P3H3: variants seen among roughly 807,000 people sequenced by gnomAD.
P3H3 encodes the protein prolyl 3-hydroxylase 3.
P3H3 carries 64 observed loss-of-function variants against 78.1 expected under a neutral mutation model. The ratio of observed to expected loss-of-function variants is 0.82; its 90% CI spans 0.67 to 1.01. The LOEUF (loss-of-function observed/expected upper bound fraction) is 1.01, where lower values mean the gene tolerates loss of function less well. P3H3 is among the 50% of genes least tolerant of loss of function. The pLI is 0.00. For synonymous variants in P3H3, 425 were observed against 416.7 expected, an observed-to-expected ratio of 1.02 and a Z score of -0.24; for missense variants, 975 against 982.2, an observed-to-expected ratio of 0.99 and a Z score of 0.10.
At chr12:6,833,043 C>T (rs1476931780) in intron 6 of P3H3, among the ~76,000 whole-genome samples, 4 of 151,862 alleles carry the variant, frequency 2.6e-5, no homozygotes, top group Admixed American at 1.3e-4. Context: ...GGCGTGGTGG[C>T]GGGCGCCTAT....
chr12:6,830,534 G>T lies in P3H3; in HGVS notation c.833G>T (p.Gly278Val). 6.4e-7 allele frequency: 1 copy of T among 1,571,914 alleles called. No individual in the cohort carries two copies. The highest frequency in any genetic ancestry group is 8.6e-7 in the Non-Finnish European group (1 of 1,159,200). Residue 278 changes from glycine to valine, a missense_variant, in exon 3 of 15, where the codon GGC becomes GTC. Physicochemically the swap from Gly to Val is moderately radical, Grantham distance 109 (BLOSUM62 -3). Transcript: ENST00000290510. The stretch of plus-strand genomic sequence containing the variant: ...GAGGATGGGGCTGCGAGCCAGGGGG[G>T]CCTCTATGAGGCCATTGCAGGTAAG... ...EEEDGAASQG[G>V]LYEAIAGHWI...
chr12:6,831,083 A>C lies in P3H3; in HGVS notation c.986-133A>C. 2 of 1,150,540 alleles carry C rather than the reference A, an allele frequency of 1.7e-6. No individual in the cohort carries two copies. The highest frequency in any genetic ancestry group is 2.6e-6 in the Non-Finnish European group (2 of 760,720). 71.3% of individuals were successfully genotyped at this position (1,150,540 alleles called of 1,614,324 possible). On this transcript the variant is annotated intron_variant, in intron 4 of 14. Transcript: ENST00000290510. The surrounding 1 kb of genome is among the most constrained non-coding windows in gnomAD (Gnocchi z 4.6). Reference sequence around the variant, plus strand: ...GAACCGGCAGCTGAACTTGTCTGCCAGTGGGAAGGGGGCTCTTGGAGTTAG... The same window carrying C: ...GAACCGGCAGCTGAACTTGTCTGCCCGTGGGAAGGGGGCTCTTGGAGTTAG...
At chr12:6,836,634 C>T (rs1001117334) in intron 9 of P3H3, among the ~76,000 whole-genome samples, 2 of 152,178 alleles carry the variant, frequency 1.3e-5, no homozygotes, top group Non-Finnish European at 2.9e-5. Context: ...CTTGGCTCAT[C>T]GGGGATTAAT....
intron 9 of P3H3, among the ~76,000 whole-genome samples, chr12:6,836,232 A>G (rs1182060230): frequency 1.4e-4 from 5 of 36,318 alleles, no homozygotes; most frequent in Non-Finnish European, 2.0e-4. Context: ...AAAAACAAAA[A>G]ATGAAAAAAA....
In P3H3 at chr12:6,829,831, T is replaced by A. The variant is rs1555121016; in HGVS notation, c.499-28T>A. The A allele has an allele frequency of 6.2e-7, 1 of 1,613,390 alleles. No homozygotes were observed. Among genetic ancestry groups the A allele is most frequent in the African/African-American group, 1.3e-5 (1 of 74,936 alleles). On this transcript the variant is annotated intron_variant, in intron 1 of 14. Transcript: ENST00000290510. The surrounding 1 kb of genome is among the most constrained non-coding windows in gnomAD (Gnocchi z 5.1). ...AGGTCTGCCCCCCGTCCCAGGGCTC[T>A]GATGCCCTCCTCCCTTCGCCTCCTC... is the stretch of plus-strand genomic sequence containing the variant.
rs371199960 is a variant in P3H3 at position 6,839,436 on chromosome 12, C to T, written c.2186C>T (p.Ala729Val). 1 of 1,551,600 alleles carries T rather than the reference C, an allele frequency of 6.4e-7. No homozygotes were observed. The highest frequency in any genetic ancestry group is 8.7e-7 in the Non-Finnish European group (1 of 1,147,000). ...AGGGTCCAAGACAAGACTGGAAGGG[C>T]ACCTCGGGTTCGGGAGGAGCTGTGA... ...HQRVQDKTGR[A>V]PRVREEL Residue 729 changes from alanine (A) to valine (V), a missense_variant, in exon 15 of 15, where the codon GCA becomes GTA. By Grantham distance (64) the Ala-to-Val change is moderately conservative (BLOSUM62 0). Coordinates refer to ENST00000290510, the MANE Select transcript of P3H3 (RefSeq NM_014262.5).
At chr12:6,835,257 T>A (rs1441877528) in intron 9 of P3H3, among the ~76,000 whole-genome samples, 1 of 152,142 alleles carries the variant, frequency 6.6e-6, no homozygotes. Flanking sequence ...GAGGATTAAA[T>A]GAGTTAGCAC....
intron 9 of P3H3, among the ~76,000 whole-genome samples, chr12:6,835,717 A>T (rs114577383): frequency 0.011 from 1,604 of 152,240 alleles, 36 homozygotes; most frequent in African/African-American, 0.036. Flanking sequence ...AGGCCGAGGG[A>T]CAGTGAGTGT....
chr12:6,839,748 G>T lies in P3H3; in HGVS notation c.*287G>T. 7.1e-6 allele frequency: 3 copies of T among 421,206 alleles called. No individual in the cohort carries two copies. Among genetic ancestry groups the T allele is most frequent in the Non-Finnish European group, 1.3e-5 (3 of 230,820 alleles). 26.1% of individuals were successfully genotyped at this position (421,206 alleles called of 1,614,324 possible). ...GCCTCCCTGAACAGAAATGGCAGGGGAGGAGGCTGATGCTTTAAATGAAGA... is the reference window on the plus strand; with the variant it reads ...GCCTCCCTGAACAGAAATGGCAGGGTAGGAGGCTGATGCTTTAAATGAAGA... On this transcript the variant is annotated 3_prime_UTR_variant, in exon 15 of 15. Transcript: ENST00000290510.
In P3H3 at chr12:6,831,288, A is replaced by G. The variant is rs1555121384; in HGVS notation, c.1058A>G (p.Lys353Arg). 6.2e-7 allele frequency: 1 copy of G among 1,613,936 alleles called. No individual in the cohort carries two copies. The highest frequency in any genetic ancestry group is 1.1e-5 in the South Asian group (1 of 91,074). Reference sequence around the variant, plus strand: ...TTCTACCCGGAGGATGAGGCTGCCAAGAGGGCTCTGAACCAGTACCAGGCC... The same window carrying G: ...TTCTACCCGGAGGATGAGGCTGCCAGGAGGGCTCTGAACCAGTACCAGGCC... ...LLFYPEDEAA[K>R]RALNQYQAQL... Residue 353 changes from lysine to arginine, a missense_variant, in exon 5 of 15, where the codon AAG becomes AGG. By Grantham distance (26) the Lys-to-Arg change is conservative. Coordinates refer to ENST00000290510, the MANE Select transcript of P3H3 (RefSeq NM_014262.5). The surrounding 1 kb of genome is among the most constrained non-coding windows in gnomAD (Gnocchi z 4.6).
At chr12:6,834,563 C>T (rs781997467) in intron 9 of P3H3, among the ~76,000 whole-genome samples, 1 of 152,142 alleles carries the variant, frequency 6.6e-6, no homozygotes, top group Non-Finnish European at 1.5e-5. Flanking sequence ...ATAGACTCTG[C>T]CCTTTGGGAG....
In P3H3 at chr12:6,834,007, G is replaced by A; in HGVS notation, c.1416G>A (p.Leu472=). 6.2e-7 allele frequency: 1 copy of A among 1,613,748 alleles called. No homozygotes were observed. Among genetic ancestry groups the A allele is most frequent in the South Asian group, 1.1e-5 (1 of 91,078 alleles). Residue 472 remains leucine, a synonymous_variant, in exon 9 of 15, where the codon CTG becomes CTA. Coordinates refer to ENST00000290510, the MANE Select transcript of P3H3 (RefSeq NM_014262.5). ...NGSERAVLDG[L]LTPAECGVLL... Reference sequence around the variant, plus strand: ...CGGAGCGGGCGGTGTTGGATGGGCTGCTCACCCCAGCCGAGTGTGGGGTGC... The same window carrying A: ...CGGAGCGGGCGGTGTTGGATGGGCTACTCACCCCAGCCGAGTGTGGGGTGC...
In P3H3 at chr12:6,829,382, C is replaced by T; in HGVS notation, c.498+444C>T. 4.4e-6 allele frequency: 1 copy of T among 225,824 alleles called. No individual in the cohort carries two copies. The highest frequency in any genetic ancestry group is 7.1e-5 in the South Asian group (1 of 14,106). 14.0% of individuals were successfully genotyped at this position (225,824 alleles called of 1,614,324 possible). On this transcript the variant is annotated intron_variant, in intron 1 of 14. Transcript: ENST00000290510. This position sits in a 1 kb window ranked among gnomAD's most constrained non-coding sequence, Gnocchi z 5.1. Reference sequence around the variant, plus strand: ...CAGACGGAGGCAAGGTTGGGGTCCTCCGAGGCCAGACCTCTGCGGGCGGGG... The same window carrying T: ...CAGACGGAGGCAAGGTTGGGGTCCTTCGAGGCCAGACCTCTGCGGGCGGGG...
chr12:6,830,755 G>T lies in P3H3; in HGVS notation c.970G>T (p.Glu324Ter). 6.2e-7 allele frequency: 1 copy of T among 1,614,012 alleles called. No individual in the cohort carries two copies. Among genetic ancestry groups the T allele is most frequent in the African/African-American group, 1.3e-5 (1 of 75,050 alleles). The change falls in exon 4 of 15, where the codon GAG (glutamate) becomes TAG (stop). Residue 324 changes from glutamate (E) to a stop codon, truncating the protein, a stop_gained. Coordinates refer to ENST00000290510, the MANE Select transcript of P3H3 (RefSeq NM_014262.5). LOFTEE classifies it high-confidence loss of function. The stretch of plus-strand genomic sequence containing the variant: ...TCCCAACCAGCTGAGGCGGCTACAT[G>T]AGGCCCATGCTCAGGGTCAGTTGGG... Reference protein sequence around the residue: ...FLPNQLRRLHEAHAQVGNLSQ... With the variant: ...FLPNQLRRLH
chr12:6,837,933 G>C (rs922147769), intron 12 of P3H3, 25 bp from the exon 13 acceptor site: 2 of 1,596,576 alleles, frequency 1.3e-6, no homozygotes, highest in African/African-American at 1.3e-5. Flanking sequence ...GGGTCTCACT[G>C]CCTCTTGCTT....
intron 9 of P3H3, 28 bp from the exon 10 acceptor site, chr12:6,836,957 A>G: frequency 6.4e-7 from 1 of 1,555,550 alleles, no homozygotes. Flanking sequence ...TGGGGGAGTG[A>G]CTCCACGGTA....
chr12:6,831,470 A>G lies in P3H3; in HGVS notation c.1122+118A>G. On this transcript the variant is annotated intron_variant, in intron 5 of 14. Coordinates refer to ENST00000290510, the MANE Select transcript of P3H3 (RefSeq NM_014262.5). This position sits in a 1 kb window ranked among gnomAD's most constrained non-coding sequence, Gnocchi z 4.6. ...TTACCCGAGCACTCTAGTCACCCAA[A>G]GGACTCCAAGTCCAGCATCTGACTT... is the stretch of plus-strand genomic sequence containing the variant. 1 of 1,380,344 alleles carries G rather than the reference A, an allele frequency of 7.2e-7. No individual in the cohort carries two copies. The allele number at this position is 1,380,344 out of a possible 1,614,324, so 85.5% of individuals were successfully genotyped here.
At chr12:6,835,432 A>G (rs1219131195) in intron 9 of P3H3, among the ~76,000 whole-genome samples, 1 of 151,966 alleles carries the variant, frequency 6.6e-6, no homozygotes, top group Non-Finnish European at 1.5e-5. Context: ...AAAATACAAA[A>G]AAATTAGTGG....
chr12:6,831,095 G>A lies in P3H3; in HGVS notation c.986-121G>A. 8.0e-7 allele frequency: 1 copy of A among 1,252,580 alleles called. No homozygotes were observed. The highest frequency in any genetic ancestry group is 1.2e-6 in the Non-Finnish European group (1 of 853,060). 77.6% of individuals were successfully genotyped at this position (1,252,580 alleles called of 1,614,324 possible). A position where few individuals can be genotyped will look rare whatever the true frequency, so the allele number is the denominator to read the frequency against. On this transcript the variant is annotated intron_variant, in intron 4 of 14. Coordinates refer to ENST00000290510, the MANE Select transcript of P3H3 (RefSeq NM_014262.5). This position sits in a 1 kb window ranked among gnomAD's most constrained non-coding sequence, Gnocchi z 4.6. Reference sequence around the variant, plus strand: ...GAACTTGTCTGCCAGTGGGAAGGGGGCTCTTGGAGTTAGCTGTCTGGCCTC... The same window carrying A: ...GAACTTGTCTGCCAGTGGGAAGGGGACTCTTGGAGTTAGCTGTCTGGCCTC...
Sources: allele counts gnomAD v4.1 joint callset (sites outside exome capture counted in the v4.1 genomes callset), GRCh38; gene constraint gnomAD v4.1.1; non-coding constraint Gnocchi (gnomAD v3.1); transcripts MANE v1.5; gene names NCBI Gene and HGNC (gene_info 2026-07-23, HGNC 2026-07-21).